Variants in TPGS2 observed in about 807,000 individuals in gnomAD.
The protein encoded by TPGS2 is polyglutamylase subunit 2.
Under a neutral mutation model 31.1 loss-of-function variants are expected in TPGS2, and 26 were observed. The ratio of observed to expected loss-of-function variants is 0.84; its 90% CI spans 0.61 to 1.16. The LOEUF is 1.16. Among genes scored for constraint, TPGS2 ranks in the 50% most tolerant of loss-of-function variants. The pLI is 0.00. For missense variants in TPGS2, 351 were observed against 363.8 expected, an observed-to-expected ratio of 0.96 and a Z score of 0.29; for synonymous variants, 130 against 136.6, an observed-to-expected ratio of 0.95 and a Z score of 0.34.
In TPGS2 at chr18:36,794,810, G is replaced by C; in HGVS notation, c.*1995C>G. ...GGCCAAAATGTCTCCTAGAGAATAT[G>C]TGACAGTCATGTTATGGTTAAAACA... is the stretch of plus-strand genomic sequence containing the variant. On this transcript the variant is annotated 3_prime_UTR_variant, in exon 7 of 7. Transcript: ENST00000334295. 2 of 981,754 alleles carry C rather than the reference G, an allele frequency of 2.0e-6. No individual in the cohort carries two copies. Among genetic ancestry groups the C allele is most frequent in the Non-Finnish European group, 2.4e-6 (2 of 829,650 alleles). 60.8% of individuals were successfully genotyped at this position (981,754 alleles called of 1,614,324 possible).
chr18:36,788,139 G>A (rs998867711), intron 6 of TPGS2, among the ~76,000 whole-genome samples: 32 of 152,204 alleles, frequency 2.1e-4, no homozygotes, highest in Admixed American at 8.5e-4. Flanking sequence ...TATTGAAGAC[G>A]GATTACCATT....
At chr18:36,820,381 C>T (rs2045844041) in intron 1 of TPGS2, among the ~76,000 whole-genome samples, 2 of 152,182 alleles carry the variant, frequency 1.3e-5, no homozygotes, top group Admixed American at 1.3e-4. Context: ...TTGGAATACT[C>T]CCATGGCAAG....
chr18:36,815,413 G>T (rs1041302381), intron 2 of TPGS2, among the ~76,000 whole-genome samples: 5 of 152,046 alleles, frequency 3.3e-5, no homozygotes, highest in Non-Finnish European at 7.4e-5. Flanking sequence ...ACTTTTTGGG[G>T]TTATGAGTCC....
rs563542654 is a variant in TPGS2, at chr18:36,823,617, C to T, written c.86-4644G>A. 2.4e-3 allele frequency among the ~76,000 whole-genome samples: 362 copies of T among 151,148 alleles called. 1 individual carries two copies. The highest frequency in any genetic ancestry group is 2.2e-3 in the Non-Finnish European group (149 of 67,766). ...CTGGGACTACAGGCGCCCGCTACCA[C>T]GCCCGGCTAATTTTTTGTATTTTTA... On this transcript the variant is annotated intron_variant, in intron 1 of 6. Transcript: ENST00000334295.
chr18:36,805,632 G>A, intron 3 of TPGS2, 130 bp from the exon 4 acceptor site: 4 of 1,278,748 alleles, frequency 3.1e-6, no homozygotes, highest in Non-Finnish European at 4.4e-6. Context: ...CTGATGGAAG[G>A]TGGGAAGAAG....
chr18:36,813,369 A>C (rs889016707), intron 2 of TPGS2, among the ~76,000 whole-genome samples: 4 of 152,204 alleles, frequency 2.6e-5, no homozygotes, highest in Admixed American at 2.6e-4. Context: ...TTAGCCATGA[A>C]GAGGTCCTAG....
Position 36,802,469 on chromosome 18 carries a change from A to C in TPGS2, c.383-2158T>G, listed in dbSNP as rs138721314. 7.9e-5 allele frequency among the ~76,000 whole-genome samples: 12 copies of C among 152,256 alleles called. No homozygotes were observed. In the East Asian group the frequency reaches 2.1e-3, roughly 27 times the overall value. On this transcript the variant is annotated intron_variant, in intron 4 of 6. Transcript: ENST00000334295. The stretch of plus-strand genomic sequence containing the variant: ...AAAGAGATTCTGCCATATTATAAAC[A>C]CAATGTCAATATACGAATTTTTTTT...
In TPGS2 at chr18:36,794,550, C is replaced by T. The variant is rs1404741288; in HGVS notation, c.*2255G>A. 2.0e-6 allele frequency: 2 copies of T among 985,286 alleles called. No homozygotes were observed. Among genetic ancestry groups the T allele is most frequent in the African/African-American group, 3.5e-5 (2 of 57,226 alleles). 61.0% of individuals were successfully genotyped at this position (985,286 alleles called of 1,614,324 possible). A position where few individuals can be genotyped will look rare whatever the true frequency, so the allele number is the denominator to read the frequency against. On this transcript the variant is annotated 3_prime_UTR_variant, in exon 7 of 7. Transcript: ENST00000334295. ...TCTGCTGCAGTGGAAGATGACATAA[C>T]TTCTCAACTCCCTTCTAACCTCGCT... is the stretch of plus-strand genomic sequence containing the variant.
downstream of TPGS2, among the ~76,000 whole-genome samples, chr18:36,780,673 T>C (rs1440818345): frequency 1.3e-5 from 2 of 152,208 alleles, no homozygotes; most frequent in African/African-American, 4.8e-5. Flanking sequence ...AAGCCACAAA[T>C]CCGTAAGAAC....
intron 2 of TPGS2, among the ~76,000 whole-genome samples, chr18:36,813,911 C>T (rs781647008): frequency 2.0e-5 from 3 of 152,040 alleles, no homozygotes; most frequent in Non-Finnish European, 2.9e-5. Context: ...CACATGGTGT[C>T]GCAGGATGAT....
chr18:36,809,678 C>A (rs2045326689), intron 2 of TPGS2, among the ~76,000 whole-genome samples: 1 of 152,182 alleles, frequency 6.6e-6, no homozygotes, highest in South Asian at 2.1e-4. Context: ...CCTACAGTTA[C>A]CAGTGTTCTG....
Position 36,796,602 on chromosome 18 carries a change from C to T in TPGS2, c.*203G>A, listed in dbSNP as rs11660414. On this transcript the variant is annotated 3_prime_UTR_variant, in exon 7 of 7. Coordinates refer to ENST00000334295, the MANE Select transcript of TPGS2 (RefSeq NM_015476.4). ...AAGATTCCAAATTCCCCATTGCTTC[C>T]AGAGGCAGGGGACAGCACAACCTGC... is the stretch of plus-strand genomic sequence containing the variant. 0.14 allele frequency: 192,140 copies of T among 1,332,600 alleles called. 15,161 individuals carry two copies. The highest frequency in any genetic ancestry group is 0.17 in the Admixed American group (4,080 of 24,482). The allele number at this position is 1,332,600 out of a possible 1,614,324, so 82.5% of individuals were successfully genotyped here. A position where few individuals can be genotyped will look rare whatever the true frequency, so the allele number is the denominator to read the frequency against.
intron 4 of TPGS2, among the ~76,000 whole-genome samples, chr18:36,801,486 A>G (rs1302363683): frequency 6.6e-6 from 1 of 152,056 alleles, no homozygotes; most frequent in African/African-American, 2.4e-5. Context: ...AGGTGTGGCC[A>G]CCATACCCAG....
chr18:36,796,369 T>C lies in TPGS2; in HGVS notation c.*436A>G. ...ATACTCAAAATGTGGCTAATGCAAT[T>C]GAAGAAATGAATTTTTCATACAATT... is the stretch of plus-strand genomic sequence containing the variant. On this transcript the variant is annotated 3_prime_UTR_variant, in exon 7 of 7. Transcript: ENST00000334295. 1.0e-6 allele frequency: 1 copy of C among 980,172 alleles called. No homozygotes were observed. The highest frequency in any genetic ancestry group is 1.2e-6 in the Non-Finnish European group (1 of 824,592). 60.7% of individuals were successfully genotyped at this position (980,172 alleles called of 1,614,324 possible). A position where few individuals can be genotyped will look rare whatever the true frequency, so the allele number is the denominator to read the frequency against.
chr18:36,798,039 C>CA (rs1416828769), intron 6 of TPGS2: 2 of 483,174 alleles, frequency 4.1e-6, no homozygotes, highest in African/African-American at 4.1e-5. Context: ...GCTTTATGTG[C>CA]AATGAGTATC....
rs1216659848 is a variant in TPGS2, at chr18:36,795,154, G to A, written c.*1651C>T. ...GGTAGGTGGAGGAGATATCGAAGGC[G>A]CTTTCTCATGAATATCTATCACTAT... is the stretch of plus-strand genomic sequence containing the variant. On this transcript the variant is annotated 3_prime_UTR_variant, in exon 7 of 7. Transcript: ENST00000334295. 1.5e-4 allele frequency: 151 copies of A among 985,254 alleles called. No individual in the cohort carries two copies. Among genetic ancestry groups the A allele is most frequent in the Non-Finnish European group, 1.8e-4 (147 of 829,942 alleles). The allele number at this position is 985,254 out of a possible 1,614,324, so 61.0% of individuals were successfully genotyped here.
intron 2 of TPGS2, among the ~76,000 whole-genome samples, chr18:36,811,871 T>A (rs539689151): frequency 6.6e-6 from 1 of 152,238 alleles, no homozygotes; most frequent in African/African-American, 2.4e-5. Flanking sequence ...GTCAGACACA[T>A]GGATTGCTTA....
intron 2 of TPGS2, among the ~76,000 whole-genome samples, chr18:36,814,406 T>A (rs762035391): frequency 2.5e-4 from 38 of 152,160 alleles, no homozygotes; most frequent in Non-Finnish European, 4.6e-4. Flanking sequence ...TATATAAACA[T>A]GGAAAAAGGT....
At chr18:36,825,118 G>T (rs1404018378) in intron 1 of TPGS2, among the ~76,000 whole-genome samples, 1 of 152,138 alleles carries the variant, frequency 6.6e-6, no homozygotes, top group African/African-American at 2.4e-5. Context: ...CCATTGAGAA[G>T]TCTTAACATA....
Sources: allele counts gnomAD v4.1 joint callset (sites outside exome capture counted in the v4.1 genomes callset), GRCh38; gene constraint gnomAD v4.1.1; transcripts MANE v1.5; gene names NCBI Gene and HGNC (gene_info 2026-07-23, HGNC 2026-07-21).